MAP3K7: variants seen among roughly 807,000 people sequenced by gnomAD.
The protein encoded by MAP3K7 is TGF-beta activated kinase 1.
A neutral mutation model predicts 84.8 loss-of-function variants in MAP3K7; 21 were observed. The observed-to-expected ratio is 0.25, with a 90% CI of 0.18 to 0.36. The LOEUF is 0.36. MAP3K7 is among the 10% of genes least tolerant of loss of function. MAP3K7 has a pLI of 1.00. For synonymous variants in MAP3K7, 241 were observed against 247.7 expected (o/e 0.97, Z 0.25); for missense variants, 503 against 747.7 (o/e 0.67, Z 3.82).
rs373592212 is a variant in MAP3K7, at chr6:90,560,888, AC to A, written c.344-675del. 1.0e-3 allele frequency among the ~76,000 whole-genome samples: 156 copies of A among 152,304 alleles called. 1 individual carries two copies. Among genetic ancestry groups the A allele is most frequent in the African/African-American group, 3.4e-3 (142 of 41,590 alleles). On this transcript the variant is annotated intron_variant, in intron 4 of 16. Transcript: ENST00000369329. ...CTACAAGAGAGAGGCAGAGAACAGT[AC>A]AGAAAGAAACAAAACAATGTATATC...
chr6:90,541,256 A>G (rs1307390740), intron 12 of MAP3K7, among the ~76,000 whole-genome samples: 3 of 152,048 alleles, frequency 2.0e-5, no homozygotes, highest in African/African-American at 7.2e-5. Flanking sequence ...AACATTTAAG[A>G]AAATCTATTT....
chr6:90,570,389 T>C (rs1776861435), intron 2 of MAP3K7, among the ~76,000 whole-genome samples: 1 of 152,120 alleles, frequency 6.6e-6, no homozygotes, highest in Non-Finnish European at 1.5e-5. Context: ...CCTATGCAAA[T>C]GAGCTAATCA....
intron 12 of MAP3K7, chr6:90,542,144 T>C: frequency 1.4e-6 from 1 of 706,948 alleles, no homozygotes; most frequent in Non-Finnish European, 1.7e-6. Context: ...TTAAGAAATT[T>C]TGGAAATTAA....
At chr6:90,577,996 G>C (rs1215114118) in intron 1 of MAP3K7, among the ~76,000 whole-genome samples, 4 of 152,128 alleles carry the variant, frequency 2.6e-5, no homozygotes, top group Non-Finnish European at 5.9e-5. Flanking sequence ...ATGTCATCTT[G>C]GGCAGGAGAA....
chr6:90,576,692 G>A (rs1256522092), intron 1 of MAP3K7, among the ~76,000 whole-genome samples: 3 of 152,140 alleles, frequency 2.0e-5, no homozygotes, highest in Non-Finnish European at 4.4e-5. Context: ...AAGAAAAGGA[G>A]TATAATTGTG....
chr6:90,523,876 G>A (rs979586787), intron 13 of MAP3K7, 93 bp from the exon 14 acceptor site: 1 of 724,954 alleles, frequency 1.4e-6, no homozygotes, highest in Non-Finnish European at 2.5e-6. Context: ...AAGAGACTTA[G>A]AGATCCCCCC....
At chr6:90,549,340 T>C (rs1008608179) in intron 9 of MAP3K7, among the ~76,000 whole-genome samples, 1 of 151,956 alleles carries the variant, frequency 6.6e-6, no homozygotes, top group African/African-American at 2.4e-5. Flanking sequence ...TTAAGACATA[T>C]AGGAGGAAAG....
At chr6:90,560,325 T>C in intron 4 of MAP3K7, 111 bp from the exon 5 acceptor site, 1 of 1,059,542 alleles carries the variant, frequency 9.4e-7, no homozygotes, top group South Asian at 1.5e-5. Context: ...TACATATACA[T>C]ATGCTCCATC....
chr6:90,567,823 T>C (rs1367832125), intron 3 of MAP3K7, among the ~76,000 whole-genome samples: 1 of 152,184 alleles, frequency 6.6e-6, no homozygotes, highest in African/African-American at 2.4e-5. Flanking sequence ...CAAATGTCCA[T>C]CAATGATAGA....
chr6:90,542,653 A>C (rs1464533240), intron 12 of MAP3K7: 2 of 164,422 alleles, frequency 1.2e-5, no homozygotes, highest in Non-Finnish European at 2.5e-5. Context: ...TGGAAAAACC[A>C]CTAAACATCA....
chr6:90,538,911 G>C (rs540843566), intron 12 of MAP3K7, among the ~76,000 whole-genome samples: 10 of 151,954 alleles, frequency 6.6e-5, no homozygotes, highest in African/African-American at 2.4e-4. Context: ...ACTTCCTGAA[G>C]ACTGTCTTCA....
Position 90,543,944 on chromosome 6 carries a change from G to A in MAP3K7, c.1291+608C>T, listed in dbSNP as rs1582190562. 2.0e-5 allele frequency among the ~76,000 whole-genome samples: 3 copies of A among 152,206 alleles called. No homozygotes were observed. The South Asian group carries it at 6.2e-4, about 32-fold the overall frequency. On this transcript the variant is annotated intron_variant, in intron 12 of 16. Transcript: ENST00000369329. ...TTAGGTATAAAAACATGTAATTTAT[G>A]AGATTCTCCTGATAATACACAAAAA... is the stretch of plus-strand genomic sequence containing the variant.
intron 12 of MAP3K7, among the ~76,000 whole-genome samples, chr6:90,539,045 C>G (rs913583423): frequency 6.6e-6 from 1 of 151,692 alleles, no homozygotes; most frequent in African/African-American, 2.4e-5. Context: ...GTAAAATACC[C>G]AAGATTTAAA....
At chr6:90,585,773 T>C (rs934075289) in intron 1 of MAP3K7, among the ~76,000 whole-genome samples, 1 of 152,122 alleles carries the variant, frequency 6.6e-6, no homozygotes, top group Non-Finnish European at 1.5e-5. Flanking sequence ...TCTAATATTA[T>C]ATTCTGATTG....
chr6:90,573,502 A>G (rs963605958), intron 1 of MAP3K7, among the ~76,000 whole-genome samples: 3 of 152,224 alleles, frequency 2.0e-5, no homozygotes, highest in South Asian at 2.1e-4. Flanking sequence ...TCATGTATCA[A>G]TAAGGCAGAA....
At chr6:90,529,370 A>G (rs1456652104) in intron 13 of MAP3K7, among the ~76,000 whole-genome samples, 2 of 152,166 alleles carry the variant, frequency 1.3e-5, no homozygotes, top group African/African-American at 4.8e-5. Flanking sequence ...CACATGTTTC[A>G]GTCTAATACT....
At chr6:90,538,300 A>G (rs1325945429) in intron 12 of MAP3K7, among the ~76,000 whole-genome samples, 1 of 151,982 alleles carries the variant, frequency 6.6e-6, no homozygotes, top group Non-Finnish European at 1.5e-5. Context: ...TATTACTTCA[A>G]ATGAAAATTA....
rs1776036129 is a variant in MAP3K7, at chr6:90,547,346, G to A, written c.1122C>T (p.Ser374=). 5 of 1,612,236 alleles carry A rather than the reference G, an allele frequency of 3.1e-6. No homozygotes were observed. Among genetic ancestry groups the A allele is most frequent in the South Asian group, 1.1e-5 (1 of 90,832 alleles). ...AGGTTGGGGGCAAGCTCTCCACACT[G>A]CTCCCACGGGAGGCTCCCAAGCTTA... is the stretch of plus-strand genomic sequence containing the variant. ...GRLSLGASRG[S]SVESLPPTSE... Residue 374 remains serine, a synonymous_variant, in exon 11 of 17, where the codon AGC becomes AGT. Coordinates refer to ENST00000369329, the MANE Select transcript of MAP3K7 (RefSeq NM_145331.3).
chr6:90,564,425 C>G (rs1428606583), intron 3 of MAP3K7, among the ~76,000 whole-genome samples: 3 of 152,068 alleles, frequency 2.0e-5, no homozygotes, highest in Non-Finnish European at 4.4e-5. Context: ...CAATCCTAGT[C>G]TCTGATAAAA....
Sources: gnomAD v4.1 joint callset for allele counts (sites outside exome capture counted in the v4.1 genomes callset) on GRCh38, gnomAD v4.1.1 for gene constraint, MANE v1.5 for transcripts, NCBI Gene and HGNC (gene_info 2026-07-23, HGNC 2026-07-21) for gene names.